The following MARCHF3 variants were observed in gnomAD, a reference collection of about 807,000 sequenced individuals.
MARCHF3 encodes membrane associated ring-CH-type finger 3.
Under a neutral mutation model 24.2 loss-of-function variants are expected in MARCHF3, and 13 were observed. The ratio of observed to expected loss-of-function variants is 0.54; its 90% CI spans 0.35 to 0.85. MARCHF3 has a LOEUF of 0.85. Ranked by LOEUF, MARCHF3 falls within the 40% of genes least tolerant of loss-of-function variation. The pLI, the probability that MARCHF3 is intolerant of heterozygous loss-of-function variation, is 0.01. For missense variants in MARCHF3, 276 were observed against 325.0 expected, an observed-to-expected ratio of 0.85 and a Z score of 1.16; for synonymous variants, 144 against 137.3, an observed-to-expected ratio of 1.05 and a Z score of -0.34.
intron 1 of MARCHF3, among the ~76,000 whole-genome samples, chr5:126,935,956 C>T (rs1749633323): frequency 1.3e-5 from 2 of 152,086 alleles, no homozygotes; most frequent in Admixed American, 6.6e-5. Flanking sequence ...TATATATTTA[C>T]ACATGCACAT....
intron 1 of MARCHF3, among the ~76,000 whole-genome samples, chr5:126,981,272 T>C (rs1580704199): frequency 6.6e-6 from 1 of 152,202 alleles, no homozygotes; most frequent in South Asian, 2.1e-4. Context: ...CCTCTCCTAG[T>C]AGGGGGACTC....
At chr5:126,916,784 A>G (rs1226319346) in intron 2 of MARCHF3, among the ~76,000 whole-genome samples, 1 of 151,134 alleles carries the variant, frequency 6.6e-6, no homozygotes, top group African/African-American at 2.4e-5. Flanking sequence ...TTCCTGGTCA[A>G]GTGAGCTGTT....
At chr5:126,930,073 A>G (rs1287293540) in intron 1 of MARCHF3, among the ~76,000 whole-genome samples, 1 of 152,174 alleles carries the variant, frequency 6.6e-6, no homozygotes, top group Non-Finnish European at 1.5e-5. Flanking sequence ...CTATTCTTAA[A>G]GATCCACCTG....
chr5:127,006,073 T>C (rs1752303958), intron 1 of MARCHF3, among the ~76,000 whole-genome samples: 1 of 151,730 alleles, frequency 6.6e-6, no homozygotes, highest in Non-Finnish European at 1.5e-5. Context: ...CATGGTGGCA[T>C]GCACTTGTAA....
rs747060453 is a variant in MARCHF3, at chr5:126,972,245, T to TAA, written c.-56-54020_-56-54019dup. Reference sequence around the variant, plus strand: ...GTTTGACTGCTTAAAATTAAAGAACTAAAAAAAAAAAAAAAAAAAAATTCC... The same window carrying TAA: ...GTTTGACTGCTTAAAATTAAAGAACTAAAAAAAAAAAAAAAAAAAAAAATTCC... On this transcript the variant is annotated intron_variant, in intron 1 of 4. Coordinates refer to ENST00000308660, the MANE Select transcript of MARCHF3 (RefSeq NM_178450.5). Among the ~76,000 whole-genome samples the TAA allele has an allele frequency of 1.1e-3, 63 of 58,702 alleles. 1 individual carries two copies. Among genetic ancestry groups the TAA allele is most frequent in the African/African-American group, 3.1e-3 (56 of 17,876 alleles). 38.5% of individuals were successfully genotyped at this position (58,702 alleles called of 152,430 possible). A position where few individuals can be genotyped will look rare whatever the true frequency, so the allele number is the denominator to read the frequency against.
chr5:126,936,485 G>T (rs1316939410), intron 1 of MARCHF3, among the ~76,000 whole-genome samples: 1 of 151,944 alleles, frequency 6.6e-6, no homozygotes, highest in East Asian at 1.9e-4. Flanking sequence ...TATAAGGCTT[G>T]GTGAAAAAAA....
intron 1 of MARCHF3, among the ~76,000 whole-genome samples, chr5:126,982,778 T>C (rs1751432828): frequency 1.3e-5 from 2 of 152,182 alleles, no homozygotes; most frequent in Admixed American, 6.5e-5. Context: ...ACTAATTAGA[T>C]CAAATGTGAA....
chr5:126,946,562 G>A (rs1750017830), intron 1 of MARCHF3, among the ~76,000 whole-genome samples: 1 of 152,050 alleles, frequency 6.6e-6, no homozygotes, highest in Non-Finnish European at 1.5e-5. Context: ...GCGAGTCCTG[G>A]GGGCTGGGAG....
chr5:126,977,434 C>A (rs1751241145), intron 1 of MARCHF3, among the ~76,000 whole-genome samples: 1 of 152,164 alleles, frequency 6.6e-6, no homozygotes, highest in African/African-American at 2.4e-5. Flanking sequence ...ACCCATCTAC[C>A]TCTAATGTAT....
At chr5:126,894,461 G>A (rs1158789135) in intron 3 of MARCHF3, among the ~76,000 whole-genome samples, 1 of 150,900 alleles carries the variant, frequency 6.6e-6, no homozygotes, top group Non-Finnish European at 1.5e-5. Flanking sequence ...CTTCCTTCAG[G>A]AGCTCTTTTA....
At chr5:126,943,029 T>TA (rs1749885217) in intron 1 of MARCHF3, among the ~76,000 whole-genome samples, 1 of 152,242 alleles carries the variant, frequency 6.6e-6, no homozygotes, top group Non-Finnish European at 1.5e-5. Flanking sequence ...CTCATGCCTG[T>TA]AATCCTGGCA....
At chr5:126,941,372 A>G (rs1377797885) in intron 1 of MARCHF3, among the ~76,000 whole-genome samples, 1 of 152,106 alleles carries the variant, frequency 6.6e-6, no homozygotes, top group African/African-American at 2.4e-5. Context: ...GTTCAAGCCT[A>G]TTTTTTAAAA....
intron 3 of MARCHF3, among the ~76,000 whole-genome samples, chr5:126,894,534 C>G (rs1753804472): frequency 6.6e-6 from 1 of 151,732 alleles, no homozygotes; most frequent in Non-Finnish European, 1.5e-5. Context: ...TTTTATTTCT[C>G]CTTTGCTTAT....
At chr5:126,901,307 C>A (rs1754097518) in intron 3 of MARCHF3, among the ~76,000 whole-genome samples, 1 of 151,924 alleles carries the variant, frequency 6.6e-6, no homozygotes, top group Admixed American at 6.6e-5. Flanking sequence ...AATGGGTAAA[C>A]AAAATTTAAG....
At chr5:126,889,247 G>T (rs1407401813) in intron 3 of MARCHF3, among the ~76,000 whole-genome samples, 1 of 151,908 alleles carries the variant, frequency 6.6e-6, no homozygotes, top group Non-Finnish European at 1.5e-5. Context: ...CATGATCATG[G>T]GATACACTGT....
intron 3 of MARCHF3, among the ~76,000 whole-genome samples, chr5:126,891,642 A>T (rs1183010403): frequency 1.4e-5 from 2 of 139,500 alleles, no homozygotes; most frequent in East Asian, 2.1e-4. Flanking sequence ...TGTTCCACTG[A>T]TCTATATCTC....
chr5:126,977,789 C>T (rs1331039808), intron 1 of MARCHF3, among the ~76,000 whole-genome samples: 1 of 152,232 alleles, frequency 6.6e-6, no homozygotes, highest in East Asian at 1.9e-4. Flanking sequence ...CAAGGCAACA[C>T]TATTCGGCCA....
intron 1 of MARCHF3, among the ~76,000 whole-genome samples, chr5:126,940,899 C>G (rs1263541453): frequency 6.6e-6 from 1 of 152,088 alleles, no homozygotes; most frequent in Non-Finnish European, 1.5e-5. Context: ...ACATCATGGA[C>G]AATGGGGTAT....
chr5:126,945,089 C>T (rs1749964352), intron 1 of MARCHF3, among the ~76,000 whole-genome samples: 1 of 152,168 alleles, frequency 6.6e-6, no homozygotes, highest in South Asian at 2.1e-4. Context: ...CCCCTCTAAC[C>T]CCTGTCATCA....
Sources: gnomAD v4.1 joint callset for allele counts (sites outside exome capture counted in the v4.1 genomes callset) on GRCh38, gnomAD v4.1.1 for gene constraint, MANE v1.5 for transcripts, NCBI Gene and HGNC (gene_info 2026-07-23, HGNC 2026-07-21) for gene names.